Variants in XYLT1 observed in about 807,000 individuals in gnomAD.
XYLT1 encodes xylosyltransferase 1, also known as beta-D-xylosyltransferase 1.
In XYLT1, 36 loss-of-function variants were observed where a neutral mutation model predicts 91.3. The observed-to-expected ratio is 0.39, with a 90% confidence interval of 0.30 to 0.52. XYLT1 has a LOEUF of 0.52. Ranked by LOEUF, XYLT1 falls within the 20% of genes least tolerant of loss-of-function variation. The pLI, the probability that XYLT1 is intolerant of heterozygous loss-of-function variation, is 0.68. For synonymous variants in XYLT1, 588 were observed against 532.0 expected (o/e 1.11, Z -1.45); for missense variants, 1,242 against 1,284.5 (o/e 0.97, Z 0.51).
rs2031481614 is a variant in XYLT1, at chr16:17,158,891, C to T, written c.1308G>A (p.Val436=). Residue 436 remains valine, a synonymous_variant, in exon 6 of 12, where the codon GTG becomes GTA. Coordinates refer to ENST00000261381, the MANE Select transcript of XYLT1 (RefSeq NM_022166.4). The part of the protein sequence containing the change: ...DYPIRTNDQL[V]AFLSRYRDMN... ...TATCTCGGTATCGGGAGAGAAACGC[C>T]ACCAACTGGTCATTTGTCCTGTGGA... 1 of 1,613,972 alleles carries T rather than the reference C, an allele frequency of 6.2e-7. No individual in the cohort carries two copies. The highest frequency in any genetic ancestry group is 1.7e-5 in the Admixed American group (1 of 59,998).
At chr16:17,134,057 G>A (rs73527235) in intron 9 of XYLT1, among the ~76,000 whole-genome samples, 2,648 of 152,260 alleles carry the variant, frequency 0.017, 97 homozygotes, top group African/African-American at 0.06. Flanking sequence ...GATCAGCCCC[G>A]AGTTGGAAAC....
chr16:17,292,081 T>TACACAC (rs10568382), intron 2 of XYLT1, among the ~76,000 whole-genome samples: 15,501 of 148,986 alleles, frequency 0.1, 966 homozygotes, highest in Middle Eastern at 0.19. Context: ...CACTAAACCA[T>TACACAC]ACACACACAC....
chr16:17,442,364 CAA>C (rs1306436299), intron 1 of XYLT1, among the ~76,000 whole-genome samples: 1 of 152,258 alleles, frequency 6.6e-6, no homozygotes, highest in African/African-American at 2.4e-5. Context: ...AGATCAGAAT[CAA>C]AAGTGTTAAA....
intron 2 of XYLT1, among the ~76,000 whole-genome samples, chr16:17,287,251 C>CT (rs1004219438): frequency 9.4e-4 from 142 of 151,344 alleles, no homozygotes; most frequent in African/African-American, 3.2e-3. Flanking sequence ...CACTCCCCCT[C>CT]TTTTTTTTTA....
chr16:17,242,887 T>A (rs904631006), intron 3 of XYLT1, among the ~76,000 whole-genome samples: 2 of 152,236 alleles, frequency 1.3e-5, no homozygotes, highest in Non-Finnish European at 2.9e-5. Flanking sequence ...GGTGACTGGC[T>A]TATTTCACTT....
At chr16:17,462,278 C>T (rs1018568324) in intron 1 of XYLT1, among the ~76,000 whole-genome samples, 1 of 152,196 alleles carries the variant, frequency 6.6e-6, no homozygotes, top group African/African-American at 2.4e-5. Flanking sequence ...AAAGATGAGA[C>T]ACCCTCGTCC....
At chr16:17,126,925 T>C (rs1215352313) in intron 10 of XYLT1, among the ~76,000 whole-genome samples, 1 of 152,196 alleles carries the variant, frequency 6.6e-6, no homozygotes, top group African/African-American at 2.4e-5. Flanking sequence ...AGCTCTCTTG[T>C]GAACAATCAA....
intron 1 of XYLT1, among the ~76,000 whole-genome samples, chr16:17,387,900 T>C (rs1428041563): frequency 1.3e-5 from 2 of 152,184 alleles, no homozygotes; most frequent in South Asian, 2.1e-4. Context: ...AACAGTGATA[T>C]TGCATGAGTT....
At chr16:17,151,173 C>A (rs563944725) in intron 6 of XYLT1, among the ~76,000 whole-genome samples, 3 of 152,174 alleles carry the variant, frequency 2.0e-5, no homozygotes, top group Non-Finnish European at 4.4e-5. Flanking sequence ...CGCCTGTAAT[C>A]CCAGCACTTT....
intron 5 of XYLT1, among the ~76,000 whole-genome samples, chr16:17,194,691 A>G (rs937768410): frequency 2.6e-5 from 4 of 152,162 alleles, no homozygotes; most frequent in Admixed American, 2.0e-4. Flanking sequence ...AGTTCTGCTG[A>G]TTTCCCTAAG....
intron 10 of XYLT1, among the ~76,000 whole-genome samples, chr16:17,118,285 C>CGAATGAATGAATGAATGAATGAAT (rs10524608): frequency 6.6e-6 from 1 of 151,352 alleles, no homozygotes; most frequent in African/African-American, 2.4e-5. Flanking sequence ...AATGAATGAA[C>CGAATGAATGAATGAATGAATGAAT]GAATGAATGA....
intron 9 of XYLT1, among the ~76,000 whole-genome samples, chr16:17,131,081 G>T (rs1279129866): frequency 2.0e-5 from 3 of 152,116 alleles, no homozygotes; most frequent in Non-Finnish European, 4.4e-5. Flanking sequence ...GGCCTGGTCC[G>T]CCTGGATCAA....
chr16:17,294,371 G>A (rs768863943), intron 2 of XYLT1, among the ~76,000 whole-genome samples: 2 of 152,180 alleles, frequency 1.3e-5, no homozygotes, highest in Non-Finnish European at 2.9e-5. Flanking sequence ...GCCCAACACC[G>A]TCAGAGGGCA....
At chr16:17,378,070 T>C (rs576079897) in intron 1 of XYLT1, among the ~76,000 whole-genome samples, 209 of 152,300 alleles carry the variant, frequency 1.4e-3, no homozygotes, top group Admixed American at 3.3e-3. Flanking sequence ...AGTACTCAAA[T>C]GTCACGGGGG....
intron 5 of XYLT1, among the ~76,000 whole-genome samples, chr16:17,172,360 CT>C (rs1443106920): frequency 4.6e-5 from 7 of 151,976 alleles, no homozygotes; most frequent in Non-Finnish European, 7.4e-5. Flanking sequence ...CCTGCAAGCT[CT>C]ATTAGCTTTC....
At chr16:17,386,998 C>T (rs1220305275) in intron 1 of XYLT1, among the ~76,000 whole-genome samples, 3 of 152,156 alleles carry the variant, frequency 2.0e-5, no homozygotes, top group East Asian at 1.9e-4. Context: ...GGGCACAGAA[C>T]AGCCACGGAG....
chr16:17,264,120 T>C (rs144022515), intron 2 of XYLT1, among the ~76,000 whole-genome samples: 120 of 152,340 alleles, frequency 7.9e-4, no homozygotes, highest in African/African-American at 2.7e-3. Context: ...TTGTTGCATG[T>C]ACTACTATAT....
intron 2 of XYLT1, among the ~76,000 whole-genome samples, chr16:17,317,393 G>A (rs1197301625): frequency 1.3e-5 from 2 of 151,832 alleles, no homozygotes; most frequent in East Asian, 3.9e-4. Context: ...AGCACTTTGG[G>A]AGGCCTAGGC....
chr16:17,348,982 T>TGC (rs940094704), intron 2 of XYLT1, among the ~76,000 whole-genome samples: 60 of 152,258 alleles, frequency 3.9e-4, no homozygotes, highest in African/African-American at 1.4e-3. Flanking sequence ...CCAGCCACAC[T>TGC]GCCTTGTTGC....
Sources: gnomAD v4.1 joint callset for allele counts (sites outside exome capture counted in the v4.1 genomes callset) on GRCh38, gnomAD v4.1.1 for gene constraint, MANE v1.5 for transcripts, NCBI Gene and HGNC (gene_info 2026-07-23, HGNC 2026-07-21) for gene names.